The following LSAMP variants were observed in gnomAD, a reference collection of about 807,000 sequenced individuals.
LSAMP encodes limbic system-associated membrane protein.
Under a neutral mutation model 38.6 loss-of-function variants are expected in LSAMP, and 7 were observed. That is an observed-to-expected ratio of 0.18 (90% CI 0.10 to 0.34). The LOEUF is 0.34. LSAMP is among the 10% of genes least tolerant of loss of function. LSAMP has a pLI of 1.00. For missense variants in LSAMP, 313 were observed against 420.0 expected, an observed-to-expected ratio of 0.75 and a Z score of 2.23; for synonymous variants, 154 against 166.8, an observed-to-expected ratio of 0.92 and a Z score of 0.59.
chr3:116,001,027 A>G (rs1431266156), intron 3 of LSAMP, among the ~76,000 whole-genome samples: 1 of 152,180 alleles, frequency 6.6e-6, no homozygotes, highest in Non-Finnish European at 1.5e-5. Flanking sequence ...AAGGCACTAT[A>G]TCATAGTAAA....
chr3:116,033,531 G>A (rs1347111521), intron 2 of LSAMP, among the ~76,000 whole-genome samples: 7 of 152,034 alleles, frequency 4.6e-5, no homozygotes, highest in South Asian at 4.2e-4. Context: ...CGTGGCTCCC[G>A]GTCTCACACA....
At chr3:116,414,121 T>A (rs1355176722) in intron 1 of LSAMP, among the ~76,000 whole-genome samples, 2 of 152,118 alleles carry the variant, frequency 1.3e-5, no homozygotes, top group African/African-American at 4.8e-5. Flanking sequence ...TGTTGTACAC[T>A]GTCAGATCAT....
chr3:116,014,765 T>A (rs185912441), intron 3 of LSAMP, among the ~76,000 whole-genome samples: 20 of 152,322 alleles, frequency 1.3e-4, no homozygotes, highest in African/African-American at 3.8e-4. Context: ...ACATGCTAAC[T>A]TGAAGGACCG....
At chr3:115,909,588 G>T (rs1393287825) in intron 3 of LSAMP, among the ~76,000 whole-genome samples, 1 of 152,190 alleles carries the variant, frequency 6.6e-6, no homozygotes, top group African/African-American at 2.4e-5. Flanking sequence ...GGTTTAATCT[G>T]TGGGTTTCTA....
chr3:116,170,666 T>C (rs1710175150), intron 1 of LSAMP, among the ~76,000 whole-genome samples: 2 of 152,160 alleles, frequency 1.3e-5, no homozygotes, highest in South Asian at 4.1e-4. Flanking sequence ...TGGAAGGTTA[T>C]ATAAGACACT....
chr3:115,821,050 T>G (rs906364535), intron 6 of LSAMP, among the ~76,000 whole-genome samples: 4 of 152,182 alleles, frequency 2.6e-5, no homozygotes, highest in Admixed American at 2.6e-4. Context: ...GAAGATTTAT[T>G]CTTCTTCTTA....
At chr3:116,319,541 A>T (rs2047679571) in intron 1 of LSAMP, among the ~76,000 whole-genome samples, 1 of 152,154 alleles carries the variant, frequency 6.6e-6, no homozygotes, top group Non-Finnish European at 1.5e-5. Flanking sequence ...TGAATAATAA[A>T]TTTTTTAAAT....
At chr3:115,828,921 G>A (rs1934517184) in intron 6 of LSAMP, among the ~76,000 whole-genome samples, 1 of 152,164 alleles carries the variant, frequency 6.6e-6, no homozygotes, top group Non-Finnish European at 1.5e-5. Context: ...AGGCTGACTG[G>A]TGCAGGCAGA....
chr3:116,264,484 G>A (rs2046869252), intron 1 of LSAMP, among the ~76,000 whole-genome samples: 1 of 152,166 alleles, frequency 6.6e-6, no homozygotes, highest in Admixed American at 6.5e-5. Flanking sequence ...CTCTCTGAGA[G>A]GCTCATGGGC....
At chr3:115,830,218 T>A (rs929254269) in intron 6 of LSAMP, among the ~76,000 whole-genome samples, 1 of 152,224 alleles carries the variant, frequency 6.6e-6, no homozygotes, top group South Asian at 2.1e-4. Context: ...AAAAAATGAA[T>A]GCTTTCATAT....
At chr3:116,020,572 A>C (rs1238620059) in intron 2 of LSAMP, among the ~76,000 whole-genome samples, 1 of 152,146 alleles carries the variant, frequency 6.6e-6, no homozygotes, top group Non-Finnish European at 1.5e-5. Context: ...AGGCTACCAG[A>C]TGGCTGAAAA....
At chr3:115,852,456 G>A in intron 4 of LSAMP, 27 bp downstream of exon 4, 1 of 1,591,070 alleles carries the variant, frequency 6.3e-7, no homozygotes, top group Non-Finnish European at 8.6e-7. Context: ...TGGGCACCTA[G>A]CACCTGCTGG....
At chr3:116,230,960 C>A (rs1236081555) in intron 1 of LSAMP, among the ~76,000 whole-genome samples, 2 of 152,070 alleles carry the variant, frequency 1.3e-5, no homozygotes, top group Non-Finnish European at 2.9e-5. Flanking sequence ...GGAGGTTGGG[C>A]TTTAAATTTT....
intron 1 of LSAMP, among the ~76,000 whole-genome samples, chr3:116,263,155 C>G (rs2046848115): frequency 6.6e-6 from 1 of 152,030 alleles, no homozygotes; most frequent in Non-Finnish European, 1.5e-5. Context: ...ATAACAAACA[C>G]AACAAAGAAT....
chr3:115,910,825 C>T (rs1276023930), intron 3 of LSAMP, among the ~76,000 whole-genome samples: 2 of 152,160 alleles, frequency 1.3e-5, no homozygotes, highest in Admixed American at 6.5e-5. Context: ...CTTTTTCTTT[C>T]AGCATAAGTC....
At chr3:116,164,762 T>TCCATATATATATATATATATATATA (rs71999509) in intron 1 of LSAMP, among the ~76,000 whole-genome samples, 27 of 36,170 alleles carry the variant, frequency 7.5e-4, no homozygotes, top group African/African-American at 2.9e-3. Context: ...ATATATATAT[T>TCCATATATATATATATATATATATA]TTTTTTTTTT....
At chr3:115,917,109 G>A (rs941758233) in intron 3 of LSAMP, among the ~76,000 whole-genome samples, 5 of 152,156 alleles carry the variant, frequency 3.3e-5, no homozygotes, top group Non-Finnish European at 7.3e-5. Flanking sequence ...GGAAAAGATT[G>A]CATCCCAAGG....
chr3:116,074,225 G>A (rs1707679520), intron 2 of LSAMP, among the ~76,000 whole-genome samples: 1 of 152,146 alleles, frequency 6.6e-6, no homozygotes, highest in African/African-American at 2.4e-5. Context: ...GAGGATGCCT[G>A]GATTTTATTT....
chr3:116,382,781 C>A (rs2048578851), intron 1 of LSAMP, among the ~76,000 whole-genome samples: 1 of 151,994 alleles, frequency 6.6e-6, no homozygotes, highest in Admixed American at 6.6e-5. Context: ...CATGTTACAG[C>A]TTTTGTCTAT....
Sources: gnomAD v4.1 joint callset for allele counts (sites outside exome capture counted in the v4.1 genomes callset) on GRCh38, gnomAD v4.1.1 for gene constraint, MANE v1.5 for transcripts, NCBI Gene and HGNC (gene_info 2026-07-23, HGNC 2026-07-21) for gene names.